Variants in EBF3 observed in about 807,000 individuals in gnomAD.
EBF3 encodes transcription factor COE3.
In EBF3, 18 loss-of-function variants were observed where a neutral mutation model predicts 77.1. That is an observed-to-expected ratio of 0.23 (90% CI 0.16 to 0.35). The LOEUF is 0.35. Ranked by LOEUF, EBF3 falls within the 10% of genes least tolerant of loss-of-function variation. EBF3 has a pLI of 1.00. For missense variants in EBF3, 558 were observed against 860.0 expected, an observed-to-expected ratio of 0.65 and a Z score of 4.39; for synonymous variants, 350 against 343.5, an observed-to-expected ratio of 1.02 and a Z score of -0.21.
chr10:129,930,925 CTCT>C (rs1286074929), intron 6 of EBF3, among the ~76,000 whole-genome samples: 1 of 144,712 alleles, frequency 6.9e-6, no homozygotes, highest in African/African-American at 2.6e-5. Context: ...ACAAATCCCC[CTCT>C]CATATATCTA....
At chr10:129,853,999 T>G (rs557338051) in intron 10 of EBF3, among the ~76,000 whole-genome samples, 1 of 152,190 alleles carries the variant, frequency 6.6e-6, no homozygotes, top group Admixed American at 6.5e-5. Context: ...CTTTCAAAAA[T>G]GACTGTATAA....
At position 129,952,534 on chromosome 10, in the gene EBF3, C is replaced by A. The variant is rs1858747636; in HGVS notation, c.554+4724G>T. ...ATTTACATAGCATTTTTAACAAAAG[C>A]GTTGACCTTATAAATGCTGGCATTT... On this transcript the variant is annotated intron_variant, in intron 6 of 16. Coordinates refer to ENST00000440978, the MANE Select transcript of EBF3 (RefSeq NM_001375380.1). This position sits in a 1 kb window ranked among gnomAD's most constrained non-coding sequence, Gnocchi z 4.7. Among the ~76,000 whole-genome samples, 1 of 152,134 alleles carries A rather than the reference C, an allele frequency of 6.6e-6. No homozygotes were observed. Among genetic ancestry groups the A allele is most frequent in the Admixed American group, 6.5e-5 (1 of 15,276 alleles).
chr10:129,948,238 A>G (rs956749625), intron 6 of EBF3, among the ~76,000 whole-genome samples: 2 of 148,758 alleles, frequency 1.3e-5, no homozygotes, highest in Non-Finnish European at 3.0e-5. Context: ...AGCCTGGGCA[A>G]CAAGAGCAAA....
At chr10:129,940,245 G>A (rs1857638781) in intron 6 of EBF3, among the ~76,000 whole-genome samples, 1 of 152,094 alleles carries the variant, frequency 6.6e-6, no homozygotes, top group African/African-American at 2.4e-5. Context: ...TCACCTTGCA[G>A]GCCCTACCCT....
chr10:129,918,513 G>C (rs1362541612), intron 6 of EBF3, among the ~76,000 whole-genome samples: 3 of 152,212 alleles, frequency 2.0e-5, no homozygotes. Context: ...GGAGCTTGGA[G>C]CTGCCATTTC....
At chr10:129,860,739 G>A (rs1466611968) in intron 10 of EBF3, among the ~76,000 whole-genome samples, 1 of 152,174 alleles carries the variant, frequency 6.6e-6, no homozygotes, top group Non-Finnish European at 1.5e-5. Context: ...AGCCTGGTTG[G>A]GAAATTAGCA....
intron 10 of EBF3, among the ~76,000 whole-genome samples, chr10:129,858,017 T>C (rs1452434189): frequency 6.6e-6 from 1 of 152,190 alleles, no homozygotes; most frequent in Non-Finnish European, 1.5e-5. Flanking sequence ...ATCACCGATG[T>C]TGGTGGACTC....
chr10:129,956,177 G>A (rs1859020850), intron 6 of EBF3, among the ~76,000 whole-genome samples: 1 of 152,138 alleles, frequency 6.6e-6, no homozygotes. Context: ...TCCACTGGTG[G>A]CGCATATTTC....
chr10:129,854,271 C>CA (rs113685669), intron 10 of EBF3, among the ~76,000 whole-genome samples: 54 of 151,618 alleles, frequency 3.6e-4, no homozygotes, highest in East Asian at 1.9e-3. Context: ...AGATCTGCTG[C>CA]AAAAAAAATC....
At position 129,863,822 on chromosome 10, in the gene EBF3, G is replaced by A. The variant is rs903899308; in HGVS notation, c.1039+3319C>T. Among the ~76,000 whole-genome samples, 72 of 152,318 alleles carry A rather than the reference G, an allele frequency of 4.7e-4. 1 individual carries two copies. The highest frequency in any genetic ancestry group is 1.7e-3 in the African/African-American group (71 of 41,572). The stretch of plus-strand genomic sequence containing the variant: ...CCTTTCCTCTGCTCCCCAGCCTGTA[G>A]AGCCTGTATCCCTTACATCACCTTT... On this transcript the variant is annotated intron_variant, in intron 10 of 16. Coordinates refer to ENST00000440978, the MANE Select transcript of EBF3 (RefSeq NM_001375380.1). The surrounding 1 kb of genome is among the most constrained non-coding windows in gnomAD (Gnocchi z 4.0).
At chr10:129,855,279 C>T (rs778096406) in intron 10 of EBF3, among the ~76,000 whole-genome samples, 6 of 152,212 alleles carry the variant, frequency 3.9e-5, no homozygotes, top group Non-Finnish European at 8.8e-5. Context: ...TTCCATTCAC[C>T]ACTGCCTGGC....
chr10:129,892,423 G>T (rs554770577), intron 6 of EBF3, among the ~76,000 whole-genome samples: 1 of 152,210 alleles, frequency 6.6e-6, no homozygotes, highest in African/African-American at 2.4e-5. Flanking sequence ...GCTGTTTGGC[G>T]ATTTCCACTT....
Position 129,837,709 on chromosome 10 carries a change from T to G in EBF3, c.*234A>C. The G allele has an allele frequency of 1.8e-6, 1 of 564,874 alleles. No individual in the cohort carries two copies. The highest frequency in any genetic ancestry group is 1.9e-5 in the African/African-American group (1 of 52,858). The allele number at this position is 564,874 out of a possible 1,614,324, so 35.0% of individuals were successfully genotyped here. Reference sequence around the variant, plus strand: ...GAGAAATGTGAAAATATGAGAAAAGTTCAGTCAATAAAATGGAATTGTTCA... The same window carrying G: ...GAGAAATGTGAAAATATGAGAAAAGGTCAGTCAATAAAATGGAATTGTTCA... On this transcript the variant is annotated 3_prime_UTR_variant, in exon 17 of 17. Coordinates refer to ENST00000440978, the MANE Select transcript of EBF3 (RefSeq NM_001375380.1).
intron 10 of EBF3, among the ~76,000 whole-genome samples, chr10:129,858,233 G>A (rs1244890277): frequency 4.6e-5 from 7 of 152,168 alleles, no homozygotes; most frequent in African/African-American, 9.7e-5. Context: ...CCGGTGACAC[G>A]TTTCTCTCCC....
At position 129,837,721 on chromosome 10, in the gene EBF3, A is replaced by G. The variant is rs898857613; in HGVS notation, c.*222T>C. 6.8e-6 allele frequency: 4 copies of G among 584,906 alleles called. No individual in the cohort carries two copies. The African/African-American group carries it at 7.5e-5, about 11-fold the overall frequency. 36.2% of individuals were successfully genotyped at this position (584,906 alleles called of 1,614,324 possible). ...AATATGAGAAAAGTTCAGTCAATAA[A>G]ATGGAATTGTTCATGAAGAAGTAGG... On this transcript the variant is annotated 3_prime_UTR_variant, in exon 17 of 17. Transcript: ENST00000440978.
At position 129,963,157 on chromosome 10, in the gene EBF3, G is replaced by T; in HGVS notation, c.292-152C>A. On this transcript the variant is annotated intron_variant, in intron 2 of 16. Transcript: ENST00000440978. The surrounding 1 kb of genome is among the most constrained non-coding windows in gnomAD (Gnocchi z 7.1). ...CGGTGATGTCACTTTCCTGCTGGAA[G>T]CCCAGCGTTCTCCTCGCCCCGAGTA... is the stretch of plus-strand genomic sequence containing the variant. The T allele has an allele frequency of 8.2e-7, 1 of 1,218,628 alleles. No homozygotes were observed. The highest frequency in any genetic ancestry group is 1.2e-6 in the Non-Finnish European group (1 of 851,438). The allele number at this position is 1,218,628 out of a possible 1,614,324, so 75.5% of individuals were successfully genotyped here.
At position 129,841,752 on chromosome 10, in the gene EBF3, G is replaced by A. The variant is rs1271597124; in HGVS notation, c.1372+364C>T. 2.6e-5 allele frequency among the ~76,000 whole-genome samples: 4 copies of A among 152,238 alleles called. No homozygotes were observed. The highest frequency in any genetic ancestry group is 2.9e-5 in the Non-Finnish European group (2 of 68,006). ...AGACCCAAATCCCGCCGTGCAGTGC[G>A]TCCAAGCAGGCTCCCCTCAGCTCCC... On this transcript the variant is annotated intron_variant, in intron 13 of 16. Coordinates refer to ENST00000440978, the MANE Select transcript of EBF3 (RefSeq NM_001375380.1). The surrounding 1 kb of genome is among the most constrained non-coding windows in gnomAD (Gnocchi z 4.6).
Position 129,906,789 on chromosome 10 carries a change from A to C in EBF3, c.555-28940T>G, listed in dbSNP as rs756594135. ...TCGATTCTGTCAAAATGTCCAGTGT[A>C]TATAATCTTAGGGTTTCATGTTCCT... is the stretch of plus-strand genomic sequence containing the variant. On this transcript the variant is annotated intron_variant, in intron 6 of 16. Transcript: ENST00000440978. Among the ~76,000 whole-genome samples the C allele has an allele frequency of 9.3e-4, 142 of 152,140 alleles. 2 individuals carry two copies. Among genetic ancestry groups the C allele is most frequent in the Admixed American group, 9.8e-4 (15 of 15,280 alleles).
chr10:129,860,255 C>T (rs1039521787), intron 10 of EBF3, among the ~76,000 whole-genome samples: 1 of 152,008 alleles, frequency 6.6e-6, no homozygotes, highest in Non-Finnish European at 1.5e-5. Flanking sequence ...GACTCTCCTC[C>T]CTGCAGCACC....
Sources: gnomAD v4.1 joint callset for allele counts (sites outside exome capture counted in the v4.1 genomes callset) on GRCh38, gnomAD v4.1.1 for gene constraint, Gnocchi (gnomAD v3.1) non-coding constraint, MANE v1.5 for transcripts, NCBI Gene and HGNC (gene_info 2026-07-23, HGNC 2026-07-21) for gene names.